The following OPLAH variants were observed in gnomAD, a reference collection of about 807,000 sequenced individuals.
The protein encoded by OPLAH is 5-oxoprolinase, ATP-hydrolysing, also known as 5-oxoprolinase.
OPLAH carries 103 observed loss-of-function variants against 122.8 expected under a neutral mutation model. That is an observed-to-expected ratio of 0.84 (90% CI 0.71 to 0.99). The LOEUF is 0.99. Among genes scored for constraint, OPLAH ranks in the 50% least tolerant of loss-of-function variants. The pLI, the probability that OPLAH is intolerant of heterozygous loss-of-function variation, is 0.00. For synonymous variants in OPLAH, 875 were observed against 796.0 expected (o/e 1.10, Z -1.67); for missense variants, 1,902 against 1,836.5 (o/e 1.04, Z -0.65).
chr8:144,057,392 TG>T, intron 10 of OPLAH, 55 bp downstream of exon 10: 1 of 1,584,098 alleles, frequency 6.3e-7, no homozygotes, highest in Non-Finnish European at 8.6e-7. Context: ...GCAGGAGGCC[TG>T]GGGCAGGGAG....
At chr8:144,062,562 C>A (rs1016945950), upstream of OPLAH, among the ~76,000 whole-genome samples, 2 of 152,100 alleles carry the variant, frequency 1.3e-5, no homozygotes, top group Non-Finnish European at 1.5e-5. Flanking sequence ...CACACTCCTG[C>A]GGGACTGCCC....
Position 144,054,706 on chromosome 8 carries a change from C to T in OPLAH, c.2541G>A (p.Val847=), listed in dbSNP as rs1835465399. ...PVFWPGQTRP[V]FYVASRGHHA... is the part of the protein sequence containing the mutation. ...GGTGCCCTCGGCTGGCCACATAGAA[C>T]ACAGGCCGCGTCTGACCCGGCCAAA... Residue 847 remains valine, a synonymous_variant, in exon 19 of 27, where the codon GTG becomes GTA. Coordinates refer to ENST00000618853, the MANE Select transcript of OPLAH (RefSeq NM_017570.5). The T allele has an allele frequency of 6.2e-7, 1 of 1,612,448 alleles. No individual in the cohort carries two copies. Among genetic ancestry groups the T allele is most frequent in the African/African-American group, 1.3e-5 (1 of 75,010 alleles).
rs782026358 is a variant in OPLAH at position 144,052,912 on chromosome 8, G to A, written c.3019-12C>T. 2.6e-6 allele frequency: 4 copies of A among 1,560,744 alleles called. No individual in the cohort carries two copies. Among genetic ancestry groups the A allele is most frequent in the Non-Finnish European group, 3.5e-6 (4 of 1,153,268 alleles). On this transcript the variant is annotated splice_polypyrimidine_tract_variant and intron_variant, in intron 21 of 26. Transcript: ENST00000618853. ...AACACGGCGCTGCCCTGCGCGCCCCGAGGGAAGGGAGAGGCTGTCAGCGGC... is the reference window on the plus strand; with the variant it reads ...AACACGGCGCTGCCCTGCGCGCCCCAAGGGAAGGGAGAGGCTGTCAGCGGC...
intron 24 of OPLAH, 34 bp downstream of exon 24, chr8:144,052,135 G>A (rs1554757825): frequency 6.5e-7 from 1 of 1,549,392 alleles, no homozygotes; most frequent in African/African-American, 1.4e-5. Context: ...GCTCCCACCC[G>A]GCCGTGCCCC....
chr8:144,052,615 G>A lies in OPLAH; in HGVS notation c.3154-17C>T, dbSNP rs782283856. The A allele has an allele frequency of 3.8e-6, 6 of 1,576,214 alleles. No homozygotes were observed. The highest frequency in any genetic ancestry group is 5.1e-6 in the Non-Finnish European group (6 of 1,165,408). On this transcript the variant is annotated splice_polypyrimidine_tract_variant and intron_variant, in intron 22 of 26. Coordinates refer to ENST00000618853, the MANE Select transcript of OPLAH (RefSeq NM_017570.5). Reference sequence around the variant, plus strand: ...CAGGCAGCCCTGTGCGGGGCGGGCGGCTCTCAGGAGCTCTTGGGGTGGGCT... The same window carrying A: ...CAGGCAGCCCTGTGCGGGGCGGGCGACTCTCAGGAGCTCTTGGGGTGGGCT...
At position 144,057,883 on chromosome 8, in the gene OPLAH, G is replaced by T. The variant is rs1554759734; in HGVS notation, c.1129C>A (p.His377Asn). Reference protein sequence around the residue: ...FVVGPESAGAHPGPACYRKGG... With the variant: ...FVVGPESAGANPGPACYRKGG... Reference sequence around the variant, plus strand: ...TTGCGGTAGCAGGCGGGTCCTGGGTGGGCTCCTGCTGACTCGGGCCCAACC... The same window carrying T: ...TTGCGGTAGCAGGCGGGTCCTGGGTTGGCTCCTGCTGACTCGGGCCCAACC... Residue 377 changes from histidine (H) to asparagine (N), a missense_variant, in exon 9 of 27, where the codon CAC becomes AAC. This residue lies in a region of OPLAH where 1,726 missense variants were observed against 1,642.1 expected (regional missense o/e 1.05). Coordinates refer to ENST00000618853, the MANE Select transcript of OPLAH (RefSeq NM_017570.5). 2 of 1,612,134 alleles carry T rather than the reference G, an allele frequency of 1.2e-6. No homozygotes were observed. Among genetic ancestry groups the T allele is most frequent in the Admixed American group, 3.3e-5 (2 of 59,912 alleles).
At position 144,055,890 on chromosome 8, in the gene OPLAH, C is replaced by T; in HGVS notation, c.2146G>A (p.Asp716Asn). 3 of 1,587,126 alleles carry T rather than the reference C, an allele frequency of 1.9e-6. No homozygotes were observed. Among genetic ancestry groups the T allele is most frequent in the South Asian group, 2.3e-5 (2 of 87,068 alleles). ...GCQAEVTKTG[D>N]ICISVGAEVP... ...TCGGCCCCCACGGAGATGCAGATGTCCCCTGTCTTGGTCACCTCTGCCTGG... is the reference window on the plus strand; with the variant it reads ...TCGGCCCCCACGGAGATGCAGATGTTCCCTGTCTTGGTCACCTCTGCCTGG... Residue 716 changes from aspartate to asparagine, a missense_variant, in exon 16 of 27, where the codon GAC becomes AAC. By Grantham distance (23) the Asp-to-Asn change is conservative. Around this residue, in one of 3 missense-constraint regions of OPLAH, gnomAD observed 1,726 missense variants for 1,642.1 expected, o/e 1.05. Coordinates refer to ENST00000618853, the MANE Select transcript of OPLAH (RefSeq NM_017570.5). This position sits in a 1 kb window ranked among gnomAD's most constrained non-coding sequence, Gnocchi z 6.5.
At chr8:144,050,514 A>G (rs1353104817), downstream of OPLAH, 10 of 984,944 alleles carry the variant, frequency 1.0e-5, no homozygotes, top group Admixed American at 2.5e-4. Context: ...GGCCCCGCCC[A>G]CCGCGCGCCC....
Position 144,051,818 on chromosome 8 carries a change from G to A in OPLAH, c.3631C>T (p.Pro1211Ser), listed in dbSNP as rs1234272857. The A allele has an allele frequency of 3.5e-6, 5 of 1,434,748 alleles. No individual in the cohort carries two copies. In the African/African-American group the frequency reaches 5.9e-5, roughly 17 times the overall value. 88.9% of individuals were successfully genotyped at this position (1,434,748 alleles called of 1,614,324 possible). The change falls in exon 26 of 27, where the codon CCT (proline) becomes TCT (serine). Residue 1211 changes from proline to serine, a missense_variant. Pro to Ser is a moderately conservative substitution (Grantham distance 74). Transcript: ENST00000618853. ...FRPYGLHGGE[P>S]GARGLNLLIR... ...AGCAGGTTTAGGCCGCGGGCGCCAG[G>A]CTCGCCCCCTGCGGAGGGAGGCGAG...
chr8:144,058,852 C>T lies in OPLAH; in HGVS notation c.508G>A (p.Gly170Arg). ...LLEVQQPVDL[G>R]ALRGKLEGLL... ...CCCTCCAGCTTCCCACGCAGGGCCC[C>T]CAGGTCCACAGGCTGCTGCACTTCC... is the stretch of plus-strand genomic sequence containing the variant. Residue 170 changes from glycine (G) to arginine (R), a missense_variant, in exon 5 of 27, where the codon GGG (glycine) becomes AGG (arginine). Gly to Arg is a moderately radical substitution (Grantham distance 125). Transcript: ENST00000618853. 6.4e-7 allele frequency: 1 copy of T among 1,573,838 alleles called. No homozygotes were observed. Among genetic ancestry groups the T allele is most frequent in the South Asian group, 1.2e-5 (1 of 86,182 alleles).
In OPLAH at chr8:144,051,488, GGGGCGGGGAGGC is replaced by G; in HGVS notation, c.3721-28_3721-17del. On this transcript the variant is annotated splice_polypyrimidine_tract_variant and intron_variant, in intron 26 of 26. Transcript: ENST00000618853. ...AGAACACATCCTGTTGGCGCGGGGG[GGGGCGGGGAGGC>G]GGGCTCAGTGCAGGCGTGGCCCCTC... The G allele has an allele frequency of 3.4e-6, 5 of 1,458,698 alleles. No homozygotes were observed. Among genetic ancestry groups the G allele is most frequent in the Non-Finnish European group, 4.6e-6 (5 of 1,096,132 alleles). The allele number at this position is 1,458,698 out of a possible 1,614,324, so 90.4% of individuals were successfully genotyped here. A position where few individuals can be genotyped will look rare whatever the true frequency, so the allele number is the denominator to read the frequency against.
chr8:144,059,101 G>A, intron 3 of OPLAH, 22 bp from the exon 4 acceptor site: 2 of 1,546,352 alleles, frequency 1.3e-6, no homozygotes, highest in Non-Finnish European at 1.7e-6. Flanking sequence ...CAGAGACTCA[G>A]AAGAGGCCCA....
chr8:144,060,094 A>C lies in OPLAH; in HGVS notation c.-53-9T>G. ...TGGTAGCCCTGGAAAAACTGGACGG[A>C]GGCGGGGTCAGCCCGGGCTCACCTG... is the stretch of plus-strand genomic sequence containing the variant. On this transcript the variant is annotated splice_polypyrimidine_tract_variant and intron_variant, in intron 1 of 26. Coordinates refer to ENST00000618853, the MANE Select transcript of OPLAH (RefSeq NM_017570.5). 1.3e-6 allele frequency: 2 copies of C among 1,540,638 alleles called. No homozygotes were observed. The highest frequency in any genetic ancestry group is 1.8e-6 in the Non-Finnish European group (2 of 1,141,446).
Position 144,055,052 on chromosome 8 carries a change from T to C in OPLAH, c.2386A>G (p.Met796Val). 6.5e-7 allele frequency: 1 copy of C among 1,528,230 alleles called. No homozygotes were observed. Among genetic ancestry groups the C allele is most frequent in the Non-Finnish European group, 8.8e-7 (1 of 1,134,814 alleles). 94.7% of individuals were successfully genotyped at this position (1,528,230 alleles called of 1,614,324 possible). A position where few individuals can be genotyped will look rare whatever the true frequency, so the allele number is the denominator to read the frequency against. ...ACCTGGAACTGCACCGTCTCCTGCA[T>C]GGCACCCAGGTGCACAGGGATGTGG... ...APHIPVHLGA[M>V]QETVQFQIQH... Residue 796 changes from methionine (M) to valine (V), a missense_variant, in exon 17 of 27, where the codon ATG (methionine) becomes GTG (valine). Around this residue, in one of 3 missense-constraint regions of OPLAH, gnomAD observed 1,726 missense variants for 1,642.1 expected, o/e 1.05. Transcript: ENST00000618853. The surrounding 1 kb of genome is among the most constrained non-coding windows in gnomAD (Gnocchi z 6.5).
chr8:144,055,166 G>T lies in OPLAH; in HGVS notation c.2272C>A (p.Arg758Ser). The T allele has an allele frequency of 6.4e-7, 1 of 1,554,494 alleles. No homozygotes were observed. The highest frequency in any genetic ancestry group is 1.8e-4 in the Middle Eastern group (1 of 5,642). ...IAEQMGRILQ[R>S]TAISTNIKER... ...TTGATGTTGGTGGAGATGGCTGTGC[G>T]CTGCAGGATGCGGCCCATCTGCTCT... The change falls in exon 17 of 27, where the codon CGC (arginine) becomes AGC (serine). Residue 758 changes from arginine (R) to serine (S), a missense_variant. Around this residue, in one of 3 missense-constraint regions of OPLAH, gnomAD observed 1,726 missense variants for 1,642.1 expected, o/e 1.05. Transcript: ENST00000618853. The surrounding 1 kb of genome is among the most constrained non-coding windows in gnomAD (Gnocchi z 6.5).
In OPLAH at chr8:144,051,465, A is replaced by G. The variant is rs1835373065; in HGVS notation, c.3728T>C (p.Phe1243Ser). The change falls in exon 27 of 27, where the codon TTC (phenylalanine) becomes TCC (serine). Residue 1243 changes from phenylalanine to serine, a missense_variant. Coordinates refer to ENST00000618853, the MANE Select transcript of OPLAH (RefSeq NM_017570.5). ...TSVTVYPGDV[F>S]CLHTPGGGGY... Reference sequence around the variant, plus strand: ...ACCGCCGCCGGGCGTGTGGAGACAGAACACATCCTGTTGGCGCGGGGGGGG... The same window carrying G: ...ACCGCCGCCGGGCGTGTGGAGACAGGACACATCCTGTTGGCGCGGGGGGGG... 1 of 1,446,760 alleles carries G rather than the reference A, an allele frequency of 6.9e-7. No homozygotes were observed. The highest frequency in any genetic ancestry group is 9.1e-7 in the Non-Finnish European group (1 of 1,095,342). 89.6% of individuals were successfully genotyped at this position (1,446,760 alleles called of 1,614,324 possible). A position where few individuals can be genotyped will look rare whatever the true frequency, so the allele number is the denominator to read the frequency against.
Position 144,055,671 on chromosome 8 carries a change from C to A in OPLAH, c.2248+117G>T. 7.9e-7 allele frequency: 1 copy of A among 1,270,654 alleles called. No individual in the cohort carries two copies. The highest frequency in any genetic ancestry group is 1.0e-6 in the Non-Finnish European group (1 of 962,666). The allele number at this position is 1,270,654 out of a possible 1,614,324, so 78.7% of individuals were successfully genotyped here. Reference sequence around the variant, plus strand: ...CCACACCAGTGCTGCGGCCACACTGCCCGCCCCGTCGCCAGGGGGTCCTGC... The same window carrying A: ...CCACACCAGTGCTGCGGCCACACTGACCGCCCCGTCGCCAGGGGGTCCTGC... On this transcript the variant is annotated intron_variant, in intron 16 of 26. Coordinates refer to ENST00000618853, the MANE Select transcript of OPLAH (RefSeq NM_017570.5). This position sits in a 1 kb window ranked among gnomAD's most constrained non-coding sequence, Gnocchi z 6.5.
rs374893883 is a variant in OPLAH at position 144,058,945 on chromosome 8, G to A, written c.463+35C>T. 1.5e-4 allele frequency: 237 copies of A among 1,556,626 alleles called. 1 individual carries two copies. The East Asian group carries it at 4.5e-3, about 30-fold the overall frequency. ...CCGTTAAAGGCCAGCAGGACCCTCC[G>A]GCCCCAAATCCCACAGCAGCGGCGG... On this transcript the variant is annotated intron_variant, in intron 4 of 26. Coordinates refer to ENST00000618853, the MANE Select transcript of OPLAH (RefSeq NM_017570.5).
chr8:144,061,351 C>A (rs563457738), upstream of OPLAH, among the ~76,000 whole-genome samples: 63 of 152,282 alleles, frequency 4.1e-4, no homozygotes, highest in African/African-American at 1.2e-3. Flanking sequence ...AACCCCCTCG[C>A]TACTAAAAAT....
Sources: gnomAD v4.1 joint callset for allele counts (sites outside exome capture counted in the v4.1 genomes callset) on GRCh38, gnomAD v4.1.1 for gene constraint, gnomAD v4.1.1 regional missense constraint, Gnocchi (gnomAD v3.1) non-coding constraint, MANE v1.5 for transcripts, NCBI Gene and HGNC (gene_info 2026-07-23, HGNC 2026-07-21) for gene names.